The following TCF7L2 variants were observed in gnomAD, a reference collection of about 807,000 sequenced individuals.
TCF7L2 encodes transcription factor 7 like 2.
Under a neutral mutation model 77.9 loss-of-function variants are expected in TCF7L2, and 23 were observed. The observed-to-expected ratio is 0.30, with a 90% CI of 0.21 to 0.42. The LOEUF (loss-of-function observed/expected upper bound fraction) is 0.42, where lower values mean the gene tolerates loss of function less well. Ranked by LOEUF, TCF7L2 falls within the 10% of genes least tolerant of loss-of-function variation. The pLI is 1.00. For synonymous variants in TCF7L2, 413 were observed against 340.2 expected (o/e 1.21, Z -2.36); for missense variants, 654 against 793.1 (o/e 0.82, Z 2.11).
chr10:112,964,778 ATGGTGGTGGTGGTGATGG>A (rs1564719104), intron 4 of TCF7L2, among the ~76,000 whole-genome samples, 154 bp downstream of exon 4: 1 of 80,082 alleles, frequency 1.2e-5, no homozygotes, highest in Admixed American at 1.6e-4. Flanking sequence ...GGTGGTGGTG[ATGGTGGTGGTGGTGATGG>A]TGGTGGTGGT....
rs72828140 is a variant in TCF7L2 at position 113,151,971 on chromosome 10, C to G, written c.1161+87C>G. On this transcript the variant is annotated intron_variant, in intron 10 of 13. Coordinates refer to ENST00000627217, the MANE Select transcript of TCF7L2 (RefSeq NM_001146274.2). The surrounding 1 kb of genome is among the most constrained non-coding windows in gnomAD (Gnocchi z 5.2). ...GGTCAGGTGGCAGAATGTCTCTGTC[C>G]CCATTTCTTTGGAGAATTCTTGCCC... 2 of 1,503,004 alleles carry G rather than the reference C, an allele frequency of 1.3e-6. No homozygotes were observed. The highest frequency in any genetic ancestry group is 1.8e-6 in the Non-Finnish European group (2 of 1,127,696). 93.1% of individuals were successfully genotyped at this position (1,503,004 alleles called of 1,614,324 possible).
In TCF7L2 at chr10:112,950,841, G is replaced by C. The variant is rs2134177489; in HGVS notation, c.85G>C (p.Glu29Gln). 6.2e-7 allele frequency: 1 copy of C among 1,608,564 alleles called. No homozygotes were observed. Among genetic ancestry groups the C allele is most frequent in the Non-Finnish European group, 8.5e-7 (1 of 1,177,426 alleles). Residue 29 changes from glutamate (E) to glutamine (Q), a missense_variant, in exon 1 of 14, where the codon GAG becomes CAG. Physicochemically the swap from Glu to Gln is conservative, Grantham distance 29 (BLOSUM62 2). This residue lies in a region of TCF7L2 where 37 missense variants were observed against 48.1 expected (regional missense o/e 0.77). Transcript: ENST00000627217. ...CTTCAAAGACGAGGGCGAACAGGAG[G>C]AGAAGAGCTCCGAAAACTCCTCGGC...
chr10:113,122,210 A>G (rs1300047899), intron 5 of TCF7L2, among the ~76,000 whole-genome samples: 1 of 152,264 alleles, frequency 6.6e-6, no homozygotes. Context: ...AACCTAGAAC[A>G]TAACAACCTT....
At chr10:113,147,892 G>GA (rs2137038563) in intron 8 of TCF7L2, among the ~76,000 whole-genome samples, 1 of 152,136 alleles carries the variant, frequency 6.6e-6, no homozygotes, top group East Asian at 1.9e-4. Flanking sequence ...ACGTCAGGAA[G>GA]AAAGGTTAGG....
At chr10:112,957,183 C>G (rs1275419907) in intron 3 of TCF7L2, among the ~76,000 whole-genome samples, 1 of 145,516 alleles carries the variant, frequency 6.9e-6, no homozygotes, top group Non-Finnish European at 1.5e-5. Context: ...CCCCCCAACA[C>G]CCCCACCTTT....
intron 8 of TCF7L2, among the ~76,000 whole-genome samples, chr10:113,147,974 A>C (rs1293033682): frequency 1.3e-5 from 2 of 152,186 alleles, no homozygotes; most frequent in African/African-American, 4.8e-5. Context: ...TAAAAAGCAT[A>C]TACAGCAAAT....
intron 5 of TCF7L2, among the ~76,000 whole-genome samples, chr10:113,127,274 A>G (rs1345032241): frequency 6.6e-6 from 1 of 150,580 alleles, no homozygotes; most frequent in Admixed American, 6.6e-5. Context: ...ACCAAGTTAA[A>G]GACACCAATG....
At chr10:113,093,872 T>G (rs2060649487) in intron 5 of TCF7L2, among the ~76,000 whole-genome samples, 1 of 152,226 alleles carries the variant, frequency 6.6e-6, no homozygotes, top group Non-Finnish European at 1.5e-5. Flanking sequence ...TCAATACCAT[T>G]TTCACGGAAA....
At position 113,019,365 on chromosome 10, in the gene TCF7L2, G is replaced by A. The variant is rs181085255; in HGVS notation, c.451-20660G>A. ...AACTAGGTCTCAGGAATGTGTCCTCGTTAGAAAGACTCACTAATGGTTGTG... is the reference window on the plus strand; with the variant it reads ...AACTAGGTCTCAGGAATGTGTCCTCATTAGAAAGACTCACTAATGGTTGTG... On this transcript the variant is annotated intron_variant, in intron 4 of 13. Transcript: ENST00000627217. Among the ~76,000 whole-genome samples the A allele has an allele frequency of 1.9e-3, 287 of 152,204 alleles. 1 individual carries two copies. Among genetic ancestry groups the A allele is most frequent in the South Asian group, 3.7e-3 (18 of 4,818 alleles).
chr10:113,150,976 T>G, intron 8 of TCF7L2, 22 bp from the exon 9 acceptor site: 2 of 1,614,058 alleles, frequency 1.2e-6, no homozygotes, highest in Non-Finnish European at 1.7e-6. Context: ...TCTGACGATT[T>G]ACACAGCTTT....
chr10:113,111,301 G>C (rs2063101019), intron 5 of TCF7L2, among the ~76,000 whole-genome samples: 1 of 152,054 alleles, frequency 6.6e-6, no homozygotes, highest in Non-Finnish European at 1.5e-5. Context: ...TTCCCTGAGG[G>C]CAGGACTTTG....
intron 13 of TCF7L2, chr10:113,160,828 A>C (rs2073047822): frequency 2.5e-6 from 2 of 804,782 alleles, no homozygotes; most frequent in African/African-American, 1.8e-5. Flanking sequence ...TCATTCTTCA[A>C]AATTTCCTTG....
At chr10:112,986,312 C>T (rs761913328) in intron 4 of TCF7L2, among the ~76,000 whole-genome samples, 3 of 152,062 alleles carry the variant, frequency 2.0e-5, no homozygotes, top group Non-Finnish European at 2.9e-5. Flanking sequence ...GAGCTTGTTT[C>T]GCTCTGAGAG....
chr10:113,050,561 C>G (rs750006845), intron 5 of TCF7L2, among the ~76,000 whole-genome samples: 2 of 152,024 alleles, frequency 1.3e-5, no homozygotes, highest in Non-Finnish European at 2.9e-5. Flanking sequence ...GTCTTGTAAG[C>G]GAAGGGGAAC....
At chr10:112,991,027 G>A (rs2042440974) in intron 4 of TCF7L2, among the ~76,000 whole-genome samples, 4 of 152,122 alleles carry the variant, frequency 2.6e-5, no homozygotes, top group Admixed American at 1.3e-4. Context: ...GCCTTCCTTG[G>A]GAACTCTCAG....
intron 4 of TCF7L2, among the ~76,000 whole-genome samples, chr10:112,980,827 A>G (rs902188697): frequency 1.3e-5 from 2 of 151,878 alleles, no homozygotes; most frequent in Non-Finnish European, 2.9e-5. Flanking sequence ...GGGGTTTCAC[A>G]GTATTAGCCA....
chr10:113,009,955 G>T (rs1178120069), intron 4 of TCF7L2, among the ~76,000 whole-genome samples: 2 of 152,038 alleles, frequency 1.3e-5, no homozygotes, highest in Non-Finnish European at 2.9e-5. Flanking sequence ...TCACTTGGGG[G>T]TCTTAAGTCT....
At chr10:113,136,699 A>G (rs1317212267) in intron 5 of TCF7L2, among the ~76,000 whole-genome samples, 2 of 152,248 alleles carry the variant, frequency 1.3e-5, no homozygotes, top group African/African-American at 4.8e-5. Context: ...GGGGGAGGGA[A>G]TAAGTACTGC....
intron 5 of TCF7L2, among the ~76,000 whole-genome samples, chr10:113,068,740 T>G (rs2135134586): frequency 6.6e-6 from 1 of 152,214 alleles, no homozygotes; most frequent in Middle Eastern, 3.4e-3. Flanking sequence ...CTCTCTCTTC[T>G]GGAAGCTCGT....
Sources: allele counts gnomAD v4.1 joint callset (sites outside exome capture counted in the v4.1 genomes callset), GRCh38; gene constraint gnomAD v4.1.1; regional missense constraint gnomAD v4.1.1; non-coding constraint Gnocchi (gnomAD v3.1); transcripts MANE v1.5; gene names NCBI Gene and HGNC (gene_info 2026-07-23, HGNC 2026-07-21).